The following MPV17L variants were observed in gnomAD, a reference collection of about 807,000 sequenced individuals.
MPV17L encodes MPV17 mitochondrial inner membrane protein like.
A neutral mutation model predicts 25.8 loss-of-function variants in MPV17L; 24 were observed. The observed-to-expected ratio is 0.93, with a 90% CI of 0.67 to 1.31. The LOEUF (loss-of-function observed/expected upper bound fraction) is 1.31. Ranked by LOEUF, MPV17L falls within the 50% of genes most tolerant of loss-of-function variation. The probability of loss-of-function intolerance (pLI) is 0.00; values close to 1 mark genes in which losing one functional copy is unlikely to be tolerated. For synonymous variants in MPV17L, 102 were observed against 115.3 expected (o/e 0.88, Z 0.74); for missense variants, 250 against 265.6 (o/e 0.94, Z 0.41).
chr16:15,399,474 C>T (rs982717953), intron 1 of MPV17L: 6 of 446,982 alleles, frequency 1.3e-5, no homozygotes, highest in Non-Finnish European at 2.7e-5. Flanking sequence ...GATGTGATCA[C>T]AGCTCATTGC....
At chr16:15,399,416 C>G (rs2050614652) in intron 1 of MPV17L, 1 of 453,764 alleles carries the variant, frequency 2.2e-6, no homozygotes, top group African/African-American at 2.0e-5. Flanking sequence ...TTTTCCTTTT[C>G]TTTTTCTGAG....
rs1168650569 is a variant in MPV17L, at chr16:15,412,039, T to C, written c.*3927T>C. The C allele has an allele frequency of 6.6e-6, 1 of 152,222 alleles. No homozygotes were observed. The highest frequency in any genetic ancestry group is 1.5e-5 in the Non-Finnish European group (1 of 68,046). 9.4% of individuals were successfully genotyped at this position (152,222 alleles called of 1,614,324 possible). On this transcript the variant is annotated 3_prime_UTR_variant, in exon 4 of 4. Coordinates refer to ENST00000396385, the MANE Select transcript of MPV17L (RefSeq NM_001128423.2). ...ATCATTCACAATTTATCAGTCTTTT[T>C]TGTTTGTACAAAAACTAATATAAGT...
At position 15,413,064 on chromosome 16, in the gene MPV17L, A is replaced by G. The variant is rs2050748919; in HGVS notation, c.*4952A>G. ...TGTGAATTTCTACAGAATGTTTGCT[A>G]GAATGAATTATATCTAGGATATGCT... On this transcript the variant is annotated 3_prime_UTR_variant, in exon 4 of 4. Coordinates refer to ENST00000396385, the MANE Select transcript of MPV17L (RefSeq NM_001128423.2). 6.6e-6 allele frequency: 1 copy of G among 152,244 alleles called. No individual in the cohort carries two copies. Among genetic ancestry groups the G allele is most frequent in the Non-Finnish European group, 1.5e-5 (1 of 68,050 alleles). 9.4% of individuals were successfully genotyped at this position (152,244 alleles called of 1,614,324 possible).
chr16:15,404,330 G>C (rs1012884647), intron 2 of MPV17L, among the ~76,000 whole-genome samples: 2 of 152,130 alleles, frequency 1.3e-5, no homozygotes, highest in Non-Finnish European at 1.5e-5. Flanking sequence ...TGAGGATCTT[G>C]AACTTCACAG....
At position 15,412,025 on chromosome 16, in the gene MPV17L, T is replaced by C. The variant is rs996188022; in HGVS notation, c.*3913T>C. On this transcript the variant is annotated 3_prime_UTR_variant, in exon 4 of 4. Transcript: ENST00000396385. The stretch of plus-strand genomic sequence containing the variant: ...ATTAAAAATCATGCATCATTCACAA[T>C]TTATCAGTCTTTTTTGTTTGTACAA... 2.0e-5 allele frequency: 3 copies of C among 152,226 alleles called. No homozygotes were observed. The highest frequency in any genetic ancestry group is 1.3e-4 in the Admixed American group (2 of 15,278). The allele number at this position is 152,226 out of a possible 1,614,324, so 9.4% of individuals were successfully genotyped here. A position where few individuals can be genotyped will look rare whatever the true frequency, so the allele number is the denominator to read the frequency against.
chr16:15,401,728 G>A (rs530117184), intron 2 of MPV17L, among the ~76,000 whole-genome samples: 1 of 152,208 alleles, frequency 6.6e-6, no homozygotes, highest in African/African-American at 2.4e-5. Context: ...GCCGAGGCAG[G>A]AGAATCACTT....
Position 15,408,601 on chromosome 16 carries a change from CT to C in MPV17L, c.*510del, listed in dbSNP as rs4013478. ...CACAATTTGTTATTTTAGTAAATAC[CT>C]TTTTTTTTTTTTTTTTTTTTGTGGT... is the stretch of plus-strand genomic sequence containing the variant. On this transcript the variant is annotated 3_prime_UTR_variant, in exon 4 of 4. Transcript: ENST00000396385. 2.9e-3 allele frequency: 307 copies of C among 106,290 alleles called. No individual in the cohort carries two copies. The highest frequency in any genetic ancestry group is 9.1e-3 in the African/African-American group (257 of 28,158). 6.6% of individuals were successfully genotyped at this position (106,290 alleles called of 1,614,324 possible).
At position 15,412,396 on chromosome 16, in the gene MPV17L, C is replaced by A. The variant is rs2050740566; in HGVS notation, c.*4284C>A. 1 of 148,536 alleles carries A rather than the reference C, an allele frequency of 6.7e-6. No individual in the cohort carries two copies. Among genetic ancestry groups the A allele is most frequent in the South Asian group, 2.1e-4 (1 of 4,708 alleles). 9.2% of individuals were successfully genotyped at this position (148,536 alleles called of 1,614,324 possible). A position where few individuals can be genotyped will look rare whatever the true frequency, so the allele number is the denominator to read the frequency against. ...AGTGAGCCGAGATCACGCCACTGCA[C>A]TCCAGGAAGGGCAACAGAGCAAGAC... On this transcript the variant is annotated 3_prime_UTR_variant, in exon 4 of 4. Coordinates refer to ENST00000396385, the MANE Select transcript of MPV17L (RefSeq NM_001128423.2).
At chr16:15,402,444 C>T (rs2050646147) in intron 2 of MPV17L, among the ~76,000 whole-genome samples, 1 of 152,302 alleles carries the variant, frequency 6.6e-6, no homozygotes, top group South Asian at 2.1e-4. Flanking sequence ...CAGCTTCTAG[C>T]ATCATCTGTT....
chr16:15,395,988 G>A lies in MPV17L; in HGVS notation c.91G>A (p.Gly31Arg), dbSNP rs768181309. 2.0e-6 allele frequency: 3 copies of A among 1,513,172 alleles called. No homozygotes were observed. The highest frequency in any genetic ancestry group is 2.6e-6 in the Non-Finnish European group (3 of 1,138,068). The allele number at this position is 1,513,172 out of a possible 1,614,324, so 93.7% of individuals were successfully genotyped here. A position where few individuals can be genotyped will look rare whatever the true frequency, so the allele number is the denominator to read the frequency against. The change falls in exon 1 of 4, where the codon GGG (glycine) becomes AGG (arginine). Residue 31 changes from glycine (G) to arginine (R), a missense_variant. Transcript: ENST00000396385. ...VLLYGSLVSA[G>R]DALQQRLQGR... ...GCTTTACGGCTCGCTCGTCTCGGCC[G>A]GGGACGCGCTGCAACAGCGGCTGCA...
At position 15,412,293 on chromosome 16, in the gene MPV17L, G is replaced by A. The variant is rs1323285757; in HGVS notation, c.*4181G>A. 6.6e-6 allele frequency: 1 copy of A among 152,022 alleles called. No homozygotes were observed. Among genetic ancestry groups the A allele is most frequent in the Non-Finnish European group, 1.5e-5 (1 of 68,054 alleles). 9.4% of individuals were successfully genotyped at this position (152,022 alleles called of 1,614,324 possible). A position where few individuals can be genotyped will look rare whatever the true frequency, so the allele number is the denominator to read the frequency against. ...AAAATACAAAAATTAGCCGGGTGTG[G>A]TGGCTTGCACCTGTCCTCCCAGCTA... On this transcript the variant is annotated 3_prime_UTR_variant, in exon 4 of 4. Transcript: ENST00000396385.
In MPV17L at chr16:15,396,178, C is replaced by T. The variant is rs1340645301; in HGVS notation, c.281C>T (p.Ala94Val). 2.6e-6 allele frequency: 4 copies of T among 1,550,046 alleles called. No homozygotes were observed. The highest frequency in any genetic ancestry group is 3.5e-6 in the Non-Finnish European group (4 of 1,147,640). Residue 94 changes from alanine (A) to valine (V), a missense_variant, in exon 1 of 4, where the codon GCG becomes GTG. Ala to Val is a moderately conservative substitution (Grantham distance 64). Transcript: ENST00000396385. ...AKLLCDQVVGAPIAVSAFYVG... is the reference protein window; with the variant it reads ...AKLLCDQVVGVPIAVSAFYVG... ...TTGCTGTGCGACCAGGTGGTCGGTG[C>T]GCCCATCGCGGTCTCGGCCTTCTAT...
Position 15,408,634 on chromosome 16 carries a change from T to C in MPV17L, c.*522T>C, listed in dbSNP as rs554879437. The C allele has an allele frequency of 2.1e-5, 3 of 144,028 alleles. No homozygotes were observed. The highest frequency in any genetic ancestry group is 7.8e-5 in the African/African-American group (3 of 38,484). 8.9% of individuals were successfully genotyped at this position (144,028 alleles called of 1,614,324 possible). ...TTTTTTTTTTTTTTGTGGTGGAGTC[T>C]TGCTGTCTCCCCGGCTGGAGCGCAG... On this transcript the variant is annotated 3_prime_UTR_variant, in exon 4 of 4. Coordinates refer to ENST00000396385, the MANE Select transcript of MPV17L (RefSeq NM_001128423.2).
intron 2 of MPV17L, among the ~76,000 whole-genome samples, chr16:15,404,911 T>C (rs756728990): frequency 6.6e-6 from 1 of 152,146 alleles, no homozygotes; most frequent in East Asian, 1.9e-4. Context: ...CAGAGGGAGA[T>C]TGCCGAAGCA....
At chr16:15,403,085 A>G (rs1263869266) in intron 2 of MPV17L, among the ~76,000 whole-genome samples, 1 of 150,758 alleles carries the variant, frequency 6.6e-6, no homozygotes, top group Non-Finnish European at 1.5e-5. Context: ...TTTAAAGAGC[A>G]AGGACCGGAG....
At chr16:15,397,724 G>A (rs1445336942) in intron 1 of MPV17L, among the ~76,000 whole-genome samples, 1 of 152,054 alleles carries the variant, frequency 6.6e-6, no homozygotes, top group African/African-American at 2.4e-5. Context: ...AACCTACCCT[G>A]CCCCGTGTGC....
chr16:15,412,024 A>C lies in MPV17L; in HGVS notation c.*3912A>C, dbSNP rs2050737403. Reference sequence around the variant, plus strand: ...AATTAAAAATCATGCATCATTCACAATTTATCAGTCTTTTTTGTTTGTACA... The same window carrying C: ...AATTAAAAATCATGCATCATTCACACTTTATCAGTCTTTTTTGTTTGTACA... On this transcript the variant is annotated 3_prime_UTR_variant, in exon 4 of 4. Transcript: ENST00000396385. The C allele has an allele frequency of 6.6e-6, 1 of 152,178 alleles. No homozygotes were observed. The highest frequency in any genetic ancestry group is 2.4e-5 in the African/African-American group (1 of 41,454). 9.4% of individuals were successfully genotyped at this position (152,178 alleles called of 1,614,324 possible). A position where few individuals can be genotyped will look rare whatever the true frequency, so the allele number is the denominator to read the frequency against.
At position 15,395,956 on chromosome 16, in the gene MPV17L, A is replaced by T. The variant is rs2050575047; in HGVS notation, c.59A>T (p.Asn20Ile). 1 of 1,503,912 alleles carries T rather than the reference A, an allele frequency of 6.6e-7. No homozygotes were observed. Among genetic ancestry groups the T allele is most frequent in the East Asian group, 2.7e-5 (1 of 36,486 alleles). 93.2% of individuals were successfully genotyped at this position (1,503,912 alleles called of 1,614,324 possible). A position where few individuals can be genotyped will look rare whatever the true frequency, so the allele number is the denominator to read the frequency against. ...RAARRHPWPT[N>I]VLLYGSLVSA... ...GCCCGGCGCCACCCGTGGCCCACCA[A>T]CGTGCTGCTTTACGGCTCGCTCGTC... Residue 20 changes from asparagine to isoleucine, a missense_variant, in exon 1 of 4, where the codon AAC (asparagine) becomes ATC (isoleucine). By Grantham distance (149) the Asn-to-Ile change is moderately radical. Coordinates refer to ENST00000396385, the MANE Select transcript of MPV17L (RefSeq NM_001128423.2).
At chr16:15,400,685 T>C in intron 1 of MPV17L, 102 bp from the exon 2 acceptor site, 1 of 694,962 alleles carries the variant, frequency 1.4e-6, no homozygotes, top group Non-Finnish European at 2.2e-6. Context: ...TGTTGGATGA[T>C]AGTGATGGTT....
Sources: allele counts gnomAD v4.1 joint callset (sites outside exome capture counted in the v4.1 genomes callset), GRCh38; gene constraint gnomAD v4.1.1; transcripts MANE v1.5; gene names NCBI Gene and HGNC (gene_info 2026-07-23, HGNC 2026-07-21).